Variants in MYT1L observed in about 807,000 individuals in gnomAD.
MYT1L encodes the protein myelin transcription factor 1 like, also known as myelin transcription factor 1-like protein.
MYT1L carries 12 observed loss-of-function variants against 126.7 expected under a neutral mutation model. The observed-to-expected ratio is 0.09, with a 90% CI of 0.06 to 0.15. The LOEUF is 0.15. Among genes scored for constraint, MYT1L ranks in the 10% least tolerant of loss-of-function variants. The probability of loss-of-function intolerance (pLI) is 1.00; values close to 1 mark genes in which losing one functional copy is unlikely to be tolerated. For missense variants in MYT1L, 979 were observed against 1,585.2 expected, an observed-to-expected ratio of 0.62 and a Z score of 6.49; for synonymous variants, 541 against 604.2, an observed-to-expected ratio of 0.90 and a Z score of 1.53.
intron 2 of MYT1L, among the ~76,000 whole-genome samples, chr2:2,220,006 G>T (rs920212162): frequency 3.9e-5 from 6 of 152,280 alleles, no homozygotes; most frequent in Middle Eastern, 3.4e-3. Context: ...CAGTCAAGAA[G>T]GGACACAGGA....
intron 3 of MYT1L, among the ~76,000 whole-genome samples, chr2:2,092,904 G>A (rs913292720): frequency 1.3e-5 from 2 of 152,160 alleles, no homozygotes; most frequent in East Asian, 1.9e-4. Flanking sequence ...ACCGGGCATC[G>A]CCCTGCCCTT....
intron 13 of MYT1L, among the ~76,000 whole-genome samples, chr2:1,909,791 G>A (rs1330326472): frequency 1.3e-5 from 2 of 152,142 alleles, no homozygotes; most frequent in Non-Finnish European, 2.9e-5. Context: ...GGTTTTGCAC[G>A]CGAGAGCTTC....
intron 19 of MYT1L, among the ~76,000 whole-genome samples, chr2:1,851,099 G>A (rs1399733923): frequency 6.6e-6 from 1 of 152,124 alleles, no homozygotes; most frequent in Non-Finnish European, 1.5e-5. Flanking sequence ...AAGTGGTATA[G>A]AATTTTTGTT....
At chr2:2,238,452 T>C (rs1559426476) in intron 2 of MYT1L, among the ~76,000 whole-genome samples, 1 of 152,144 alleles carries the variant, frequency 6.6e-6, no homozygotes, top group Admixed American at 6.5e-5. Flanking sequence ...AAGGCTTCAG[T>C]AAATATGCAG....
At chr2:2,306,258 G>A (rs558079201) in intron 1 of MYT1L, 16 of 152,274 alleles carry the variant, frequency 1.1e-4, no homozygotes, top group African/African-American at 3.8e-4. Flanking sequence ...TAAGCTGCAG[G>A]AGTTTGTGTT....
intron 3 of MYT1L, among the ~76,000 whole-genome samples, chr2:2,138,909 C>T (rs1350543526): frequency 1.3e-5 from 2 of 151,648 alleles, no homozygotes; most frequent in East Asian, 1.9e-4. Flanking sequence ...CCGCCTGGGC[C>T]GCAGTAAAGG....
At chr2:2,278,345 T>C (rs1380727259) in intron 2 of MYT1L, among the ~76,000 whole-genome samples, 1 of 152,246 alleles carries the variant, frequency 6.6e-6, no homozygotes, top group Non-Finnish European at 1.5e-5. Flanking sequence ...GCTGGATTTA[T>C]TTCCTGCCAG....
intron 8 of MYT1L, among the ~76,000 whole-genome samples, chr2:1,957,864 GTTAT>G (rs1460792051): frequency 3.9e-5 from 6 of 152,152 alleles, no homozygotes; most frequent in Non-Finnish European, 5.9e-5. Flanking sequence ...TCCTCAGTGT[GTTAT>G]TTATTTTTTG....
At chr2:2,121,821 C>T (rs185914501) in intron 3 of MYT1L, among the ~76,000 whole-genome samples, 1 of 152,248 alleles carries the variant, frequency 6.6e-6, no homozygotes, top group Admixed American at 6.5e-5. Context: ...ATGCAGTCTT[C>T]GTCCTCCCAC....
rs184783278 is a variant in MYT1L at position 2,000,867 on chromosome 2, A to G, written c.-157-3520T>C. The stretch of plus-strand genomic sequence containing the variant: ...GAGGCTATTTTATTCTATGCTATGC[A>G]TGCGTGGTGTTCAGGTTTATGAACG... On this transcript the variant is annotated intron_variant, in intron 4 of 24. Transcript: ENST00000647738. Among the ~76,000 whole-genome samples, 539 of 152,266 alleles carry G rather than the reference A, an allele frequency of 3.5e-3. 5 individuals are homozygous for G. The highest frequency in any genetic ancestry group is 0.013 in the African/African-American group (530 of 41,556).
chr2:2,003,762 C>T lies in MYT1L; in HGVS notation c.-157-6415G>A, dbSNP rs75971203. ...TGTCTGCACGCCTTCCTGTGTGGAC[C>T]CCCACTTTCCCTGACTAAGTCTCCC... On this transcript the variant is annotated intron_variant, in intron 4 of 24. Coordinates refer to ENST00000647738, the MANE Select transcript of MYT1L (RefSeq NM_001303052.2). 9.1e-3 allele frequency among the ~76,000 whole-genome samples: 1,392 copies of T among 152,228 alleles called. 28 individuals carry two copies. Among genetic ancestry groups the T allele is most frequent in the African/African-American group, 0.031 (1,302 of 41,558 alleles).
At chr2:2,328,850 G>T (rs530961906) in intron 1 of MYT1L, among the ~76,000 whole-genome samples, 1 of 152,180 alleles carries the variant, frequency 6.6e-6, no homozygotes, top group Non-Finnish European at 1.5e-5. Flanking sequence ...CAGATGGAAA[G>T]TCTTTACTAA....
chr2:2,183,087 C>G (rs2091712969), intron 2 of MYT1L, among the ~76,000 whole-genome samples: 1 of 152,124 alleles, frequency 6.6e-6, no homozygotes. Flanking sequence ...GGGAGATCTC[C>G]TGGACAGAAA....
At chr2:2,205,033 G>A (rs1572438631) in intron 2 of MYT1L, among the ~76,000 whole-genome samples, 1 of 147,372 alleles carries the variant, frequency 6.8e-6, no homozygotes, top group Non-Finnish European at 1.5e-5. Flanking sequence ...AACACTGCAT[G>A]TTCTCACTCA....
intron 19 of MYT1L, among the ~76,000 whole-genome samples, chr2:1,845,761 G>A (rs576633357): frequency 6.6e-4 from 101 of 152,294 alleles, no homozygotes; most frequent in African/African-American, 2.4e-3. Context: ...TGAATTCAAC[G>A]GGACTCCTAA....
At chr2:1,952,660 C>T (rs1437271547) in intron 8 of MYT1L, among the ~76,000 whole-genome samples, 5 of 150,658 alleles carry the variant, frequency 3.3e-5, no homozygotes, top group Admixed American at 6.6e-5. Context: ...CACCCCCAGC[C>T]ATCAGCACCA....
At chr2:2,232,456 T>A (rs750995451) in intron 2 of MYT1L, among the ~76,000 whole-genome samples, 5 of 152,232 alleles carry the variant, frequency 3.3e-5, no homozygotes, top group Non-Finnish European at 7.3e-5. Context: ...TGAAGTCTGC[T>A]CTTCTACCCA....
intron 13 of MYT1L, among the ~76,000 whole-genome samples, chr2:1,906,533 GC>G: frequency 6.6e-6 from 1 of 151,988 alleles, no homozygotes; most frequent in Non-Finnish European, 1.5e-5. Flanking sequence ...TAGACTGATA[GC>G]CATATCTATA....
intron 3 of MYT1L, among the ~76,000 whole-genome samples, chr2:2,072,647 C>A (rs1418296882): frequency 6.6e-6 from 1 of 152,100 alleles, no homozygotes; most frequent in East Asian, 1.9e-4. Context: ...AATTGTAATC[C>A]CCAGGAGTTG....
Sources: allele counts gnomAD v4.1 joint callset (sites outside exome capture counted in the v4.1 genomes callset), GRCh38; gene constraint gnomAD v4.1.1; transcripts MANE v1.5; gene names NCBI Gene and HGNC (gene_info 2026-07-23, HGNC 2026-07-21).